Variants in SCFD2 observed in about 807,000 individuals in gnomAD.
SCFD2 encodes the protein sec1 family domain-containing protein 2.
In SCFD2, 54 loss-of-function variants were observed where a neutral mutation model predicts 58.9. The observed-to-expected ratio is 0.92, with a 90% CI of 0.74 to 1.15. The LOEUF is 1.15. SCFD2 is among the 50% of genes most tolerant of loss of function. The pLI is 0.00. For synonymous variants in SCFD2, 321 were observed against 335.9 expected (o/e 0.96, Z 0.49); for missense variants, 805 against 836.6 (o/e 0.96, Z 0.47).
intron 5 of SCFD2, among the ~76,000 whole-genome samples, chr4:53,007,964 T>G (rs556661570): frequency 1.3e-5 from 2 of 152,254 alleles, no homozygotes; most frequent in South Asian, 4.2e-4. Flanking sequence ...CTCTAATGAA[T>G]GATGTTCCTG....
chr4:53,149,388 C>T (rs1726440309), intron 4 of SCFD2, among the ~76,000 whole-genome samples: 1 of 152,084 alleles, frequency 6.6e-6, no homozygotes, highest in Non-Finnish European at 1.5e-5. Flanking sequence ...CAACATGAAA[C>T]CCAAAATAAA....
At chr4:53,056,189 C>A (rs1723334472) in intron 5 of SCFD2, among the ~76,000 whole-genome samples, 1 of 149,716 alleles carries the variant, frequency 6.7e-6, no homozygotes, top group Non-Finnish European at 1.5e-5. Context: ...CATTGACAGG[C>A]CTAGAAAAAT....
At chr4:53,167,653 T>C (rs1012519025) in intron 4 of SCFD2, among the ~76,000 whole-genome samples, 2 of 152,218 alleles carry the variant, frequency 1.3e-5, no homozygotes, top group Non-Finnish European at 2.9e-5. Context: ...TAGGTTTTAA[T>C]TTTGTTTAAA....
chr4:53,290,868 C>A (rs1731817098), intron 3 of SCFD2, among the ~76,000 whole-genome samples: 1 of 151,976 alleles, frequency 6.6e-6, no homozygotes, highest in Admixed American at 6.6e-5. Context: ...TGATAAATTT[C>A]TTAAGAAATG....
At chr4:53,364,730 C>T (rs1282437996) in intron 1 of SCFD2, among the ~76,000 whole-genome samples, 1 of 99,786 alleles carries the variant, frequency 1.0e-5, no homozygotes, top group East Asian at 2.4e-4. Flanking sequence ...CTCCAACAAA[C>T]CAGAGTCTTC....
At chr4:52,928,670 A>C (rs1263043707) in intron 5 of SCFD2, among the ~76,000 whole-genome samples, 1 of 152,148 alleles carries the variant, frequency 6.6e-6, no homozygotes, top group African/African-American at 2.4e-5. Flanking sequence ...GGAGTCTCTC[A>C]GCCTATAGTT....
chr4:53,012,702 G>A (rs1722122589), intron 5 of SCFD2, among the ~76,000 whole-genome samples: 1 of 152,002 alleles, frequency 6.6e-6, no homozygotes, highest in African/African-American at 2.4e-5. Flanking sequence ...CTGCTCATCA[G>A]CATGTTCTAG....
chr4:53,077,378 C>G (rs767464990), intron 5 of SCFD2, among the ~76,000 whole-genome samples: 22 of 152,140 alleles, frequency 1.4e-4, no homozygotes, highest in Non-Finnish European at 2.5e-4. Flanking sequence ...GACAAATGCT[C>G]AATCATCTTT....
intron 7 of SCFD2, among the ~76,000 whole-genome samples, chr4:52,903,527 G>A (rs1320225018): frequency 6.6e-6 from 1 of 152,106 alleles, no homozygotes; most frequent in Non-Finnish European, 1.5e-5. Context: ...ACTAAAACAG[G>A]TCCAGCCTAA....
chr4:53,346,182 T>G (rs1192479647), intron 2 of SCFD2, among the ~76,000 whole-genome samples: 3 of 152,022 alleles, frequency 2.0e-5, no homozygotes, highest in East Asian at 1.9e-4. Flanking sequence ...CAATCAACAA[T>G]AGTAGACAAT....
At chr4:53,121,067 T>C (rs1479626562) in intron 5 of SCFD2, among the ~76,000 whole-genome samples, 1 of 152,238 alleles carries the variant, frequency 6.6e-6, no homozygotes, top group Non-Finnish European at 1.5e-5. Context: ...TAAGGACATT[T>C]ATAACTGTGT....
chr4:52,962,282 G>C (rs1433720617), intron 5 of SCFD2, among the ~76,000 whole-genome samples: 2 of 152,190 alleles, frequency 1.3e-5, no homozygotes, highest in Non-Finnish European at 2.9e-5. Flanking sequence ...GTTCTAAGCA[G>C]CTTCAGAGGG....
At chr4:53,011,383 A>G (rs1722090260) in intron 5 of SCFD2, among the ~76,000 whole-genome samples, 1 of 152,168 alleles carries the variant, frequency 6.6e-6, no homozygotes, top group Non-Finnish European at 1.5e-5. Flanking sequence ...CTTCCAATCA[A>G]AACAGTGACA....
At chr4:52,886,986 ATTTG>A (rs1311448779) in intron 7 of SCFD2, among the ~76,000 whole-genome samples, 2 of 152,036 alleles carry the variant, frequency 1.3e-5, no homozygotes, top group East Asian at 3.9e-4. Flanking sequence ...TGGCTACTCT[ATTTG>A]TTTGTTTATT....
chr4:53,335,194 C>CAAAAAAAAAAAAAAAAAACAAAA (rs1733638681), intron 2 of SCFD2, among the ~76,000 whole-genome samples: 2 of 80,610 alleles, frequency 2.5e-5, no homozygotes, highest in African/African-American at 6.9e-5. Flanking sequence ...GACTCCGTCT[C>CAAAAAAAAAAAAAAAAAACAAAA]AAAAAAAAAA....
intron 4 of SCFD2, among the ~76,000 whole-genome samples, chr4:53,270,781 A>G (rs1420460827): frequency 1.3e-5 from 2 of 152,238 alleles, no homozygotes; most frequent in Non-Finnish European, 2.9e-5. Flanking sequence ...TAAAATACCC[A>G]TGAATAAAAG....
intron 5 of SCFD2, among the ~76,000 whole-genome samples, chr4:53,090,897 G>T (rs1724448780): frequency 6.6e-6 from 1 of 152,126 alleles, no homozygotes. Context: ...GACAATTGAA[G>T]TTTACATAAA....
At chr4:53,087,847 G>T (rs10033650) in intron 5 of SCFD2, among the ~76,000 whole-genome samples, 21,785 of 151,170 alleles carry the variant, frequency 0.14, 2,225 homozygotes, top group African/African-American at 0.29. Flanking sequence ...CTTTAATAGA[G>T]ATGGGGTTTC....
Position 53,178,546 on chromosome 4 carries a change from G to GA in SCFD2, c.1312-32965dup, listed in dbSNP as rs550200058. ...AAGGTAGATAAAACCACAAAGATGGGAAAAAAACAGAGCAGAAAAACTGGA... is the reference window on the plus strand; with the variant it reads ...AAGGTAGATAAAACCACAAAGATGGGAAAAAAAACAGAGCAGAAAAACTGGA... On this transcript the variant is annotated intron_variant, in intron 4 of 8. Transcript: ENST00000401642. 2.8e-4 allele frequency among the ~76,000 whole-genome samples: 43 copies of GA among 152,104 alleles called. No individual in the cohort carries two copies. The South Asian group carries it at 8.3e-3, about 29-fold the overall frequency.
Sources: gnomAD v4.1 joint callset for allele counts (sites outside exome capture counted in the v4.1 genomes callset) on GRCh38, gnomAD v4.1.1 for gene constraint, MANE v1.5 for transcripts, NCBI Gene and HGNC (gene_info 2026-07-23, HGNC 2026-07-21) for gene names.